The following PTPRT variants were observed in gnomAD, a reference collection of about 807,000 sequenced individuals.
PTPRT encodes the protein receptor-type tyrosine-protein phosphatase T.
In PTPRT, 56 loss-of-function variants were observed where a neutral mutation model predicts 176.8. The ratio of observed to expected loss-of-function variants is 0.32; its 90% confidence interval spans 0.26 to 0.40. The LOEUF (loss-of-function observed/expected upper bound fraction) is 0.40. Ranked by LOEUF, PTPRT falls within the 10% of genes least tolerant of loss-of-function variation. The pLI is 1.00. For synonymous variants in PTPRT, 783 were observed against 739.0 expected (o/e 1.06, Z -0.96); for missense variants, 1,540 against 1,908.2 (o/e 0.81, Z 3.60).
At chr20:42,039,654 AT>A in the PTPRT span, among the ~76,000 whole-genome samples, 1 of 130,178 alleles carries the variant, frequency 7.7e-6, no homozygotes, top group South Asian at 2.3e-4. Context: ...AAATGATGAG[AT>A]TTCCTTCTTT....
In PTPRT at chr20:42,213,184, G is replaced by A. The variant is rs187108056; in HGVS notation, c.2343-13796C>T. On this transcript the variant is annotated intron_variant, in intron 15 of 30. Coordinates refer to ENST00000373187, the MANE Select transcript of PTPRT (RefSeq NM_007050.6). ...TGACCTACTGAATCAGAAACTCTAG[G>A]TGATCAATAAGCCCTCCAAGCAATT... is the stretch of plus-strand genomic sequence containing the variant. 2.9e-3 allele frequency among the ~76,000 whole-genome samples: 300 copies of A among 104,828 alleles called. 4 individuals carry two copies. The highest frequency in any genetic ancestry group is 8.6e-4 in the Non-Finnish European group (37 of 43,048). 68.8% of individuals were successfully genotyped at this position (104,828 alleles called of 152,430 possible).
At position 42,298,006 on chromosome 20, in the gene PTPRT, G is replaced by GA. The variant is rs565886201; in HGVS notation, c.2140-15482dup. 1.7e-4 allele frequency among the ~76,000 whole-genome samples: 26 copies of GA among 151,376 alleles called. No homozygotes were observed. In the South Asian group the frequency reaches 4.2e-3, roughly 24 times the overall value. The stretch of plus-strand genomic sequence containing the variant: ...GATTCAAAGTTTAAATGTAATAAAA[G>GA]AAAAAAAATGATTCATCTGACAACA... On this transcript the variant is annotated intron_variant, in intron 12 of 30. Coordinates refer to ENST00000373187, the MANE Select transcript of PTPRT (RefSeq NM_007050.6).
chr20:42,487,466 G>A (rs2071482383), intron 7 of PTPRT, among the ~76,000 whole-genome samples: 1 of 152,142 alleles, frequency 6.6e-6, no homozygotes, highest in African/African-American at 2.4e-5. Context: ...CTGGGAATCT[G>A]TTATCTTACA....
At chr20:43,153,839 G>A (rs548000002) in intron 1 of PTPRT, among the ~76,000 whole-genome samples, 3 of 152,310 alleles carry the variant, frequency 2.0e-5, no homozygotes, top group African/African-American at 7.2e-5. Flanking sequence ...GAAGGCAAGA[G>A]GATGAATAAA....
chr20:42,507,895 C>G (rs1361085296), intron 7 of PTPRT, among the ~76,000 whole-genome samples: 1 of 151,434 alleles, frequency 6.6e-6, no homozygotes, highest in Non-Finnish European at 1.5e-5. Flanking sequence ...TCTAGAAAAC[C>G]CAGCTGAGGA....
chr20:42,457,072 G>A (rs1228569665), intron 8 of PTPRT, among the ~76,000 whole-genome samples: 1 of 152,038 alleles, frequency 6.6e-6, no homozygotes, highest in East Asian at 1.9e-4. Flanking sequence ...ATTGGTATAA[G>A]ATTATATACA....
intron 6 of PTPRT, among the ~76,000 whole-genome samples, chr20:42,704,405 G>C (rs191180397): frequency 1.5e-3 from 227 of 149,422 alleles, no homozygotes; most frequent in Non-Finnish European, 2.7e-3. Context: ...GTTCCTAATG[G>C]TCTTTAGCTG....
the PTPRT span, among the ~76,000 whole-genome samples, chr20:42,065,692 G>T: frequency 6.6e-6 from 1 of 152,320 alleles, no homozygotes; most frequent in South Asian, 2.1e-4. Context: ...TACATTATCA[G>T]TTCTGCTTAT....
intron 1 of PTPRT, among the ~76,000 whole-genome samples, chr20:43,023,229 C>T (rs542064982): frequency 3.9e-5 from 6 of 152,144 alleles, no homozygotes; most frequent in African/African-American, 1.4e-4. Context: ...AGCCCACTCC[C>T]CAAACAAGGT....
At chr20:42,864,274 A>G (rs1408393988) in intron 2 of PTPRT, among the ~76,000 whole-genome samples, 2 of 152,242 alleles carry the variant, frequency 1.3e-5, no homozygotes, top group Non-Finnish European at 2.9e-5. Context: ...GAAGGCCAGT[A>G]GGCGATGATG....
At chr20:42,368,353 T>C (rs936991337) in intron 9 of PTPRT, among the ~76,000 whole-genome samples, 2 of 152,154 alleles carry the variant, frequency 1.3e-5, no homozygotes, top group Non-Finnish European at 2.9e-5. Flanking sequence ...TCAAAGGTTA[T>C]TGTAAGCAGT....
chr20:42,184,518 C>CTT lies in PTPRT; in HGVS notation c.2491+14721_2491+14722insAA, dbSNP rs1555797923. The stretch of plus-strand genomic sequence containing the variant: ...CTCCCCCCTTCCTCCTCCTCCTCCT[C>CTT]CTTCTTCTTCTTCTTCCTCTTCCTC... On this transcript the variant is annotated intron_variant, in intron 16 of 30. Transcript: ENST00000373187. 6.7e-3 allele frequency among the ~76,000 whole-genome samples: 366 copies of CTT among 54,416 alleles called. 8 individuals are homozygous for CTT. Among genetic ancestry groups the CTT allele is most frequent in the African/African-American group, 0.011 (213 of 19,216 alleles). 35.7% of individuals were successfully genotyped at this position (54,416 alleles called of 152,430 possible).
intron 6 of PTPRT, among the ~76,000 whole-genome samples, chr20:42,753,767 A>G (rs2076794464): frequency 1.3e-5 from 2 of 152,224 alleles, no homozygotes; most frequent in African/African-American, 4.8e-5. Flanking sequence ...CTCTCCGAAT[A>G]AAGCAAGGAT....
chr20:42,328,702 A>G (rs924737144), intron 11 of PTPRT, among the ~76,000 whole-genome samples: 1 of 151,572 alleles, frequency 6.6e-6, no homozygotes, highest in Non-Finnish European at 1.5e-5. Context: ...ATTATACGTA[A>G]GAGAAATTTG....
At chr20:42,804,831 T>C (rs2077582186) in intron 2 of PTPRT, among the ~76,000 whole-genome samples, 1 of 152,212 alleles carries the variant, frequency 6.6e-6, no homozygotes, top group Admixed American at 6.5e-5. Context: ...CCTGTGTGCA[T>C]CTGTCTCCAT....
At chr20:42,774,383 C>T (rs935662303) in intron 4 of PTPRT, among the ~76,000 whole-genome samples, 2 of 152,150 alleles carry the variant, frequency 1.3e-5, no homozygotes, top group African/African-American at 2.4e-5. Flanking sequence ...GAGAGAGACT[C>T]TGAAAGGGGA....
intron 17 of PTPRT, 99 bp downstream of exon 17, chr20:42,161,253 G>A: frequency 7.2e-7 from 1 of 1,380,806 alleles, no homozygotes; most frequent in Admixed American, 1.8e-5. Flanking sequence ...GTGATACTGA[G>A]GCTGCTGGCC....
chr20:42,893,567 T>C (rs2079234544), intron 1 of PTPRT, among the ~76,000 whole-genome samples: 2 of 151,936 alleles, frequency 1.3e-5, no homozygotes, highest in East Asian at 3.9e-4. Context: ...CACACGTATG[T>C]TTATTGCAGC....
At chr20:43,087,497 G>A (rs184577434) in intron 1 of PTPRT, among the ~76,000 whole-genome samples, 144 of 151,760 alleles carry the variant, frequency 9.5e-4, no homozygotes, top group Non-Finnish European at 1.4e-3. Context: ...TCGAGAGGCT[G>A]GGATTACAGG....
Sources: gnomAD v4.1 joint callset for allele counts (sites outside exome capture counted in the v4.1 genomes callset) on GRCh38, gnomAD v4.1.1 for gene constraint, MANE v1.5 for transcripts, NCBI Gene and HGNC (gene_info 2026-07-23, HGNC 2026-07-21) for gene names.